The following FSTL5 variants were observed in gnomAD, a reference collection of about 807,000 sequenced individuals.
FSTL5 encodes the protein follistatin like 5.
FSTL5 carries 62 observed loss-of-function variants against 89.1 expected under a neutral mutation model. The ratio of observed to expected loss-of-function variants is 0.70; its 90% confidence interval spans 0.57 to 0.86. The LOEUF is 0.86. Among genes scored for constraint, FSTL5 ranks in the 40% least tolerant of loss-of-function variants. The pLI, the probability that FSTL5 is intolerant of heterozygous loss-of-function variation, is 0.00. For missense variants in FSTL5, 1,057 were observed against 1,001.6 expected (o/e 1.06, Z -0.75); for synonymous variants, 383 against 346.2 (o/e 1.11, Z -1.18).
intron 6 of FSTL5, among the ~76,000 whole-genome samples, chr4:161,689,763 C>G (rs1737866843): frequency 1.3e-5 from 2 of 152,068 alleles, no homozygotes; most frequent in South Asian, 4.1e-4. Context: ...TTCTGTATAA[C>G]TTTAGAAGAA....
chr4:161,775,400 G>C (rs533243663), intron 5 of FSTL5, among the ~76,000 whole-genome samples: 100 of 152,094 alleles, frequency 6.6e-4, no homozygotes, highest in Non-Finnish European at 1.3e-3. Context: ...TGCAGTAATT[G>C]GTCCTTAATT....
At chr4:161,991,309 C>T (rs1736104030) in intron 3 of FSTL5, among the ~76,000 whole-genome samples, 1 of 152,096 alleles carries the variant, frequency 6.6e-6, no homozygotes, top group African/African-American at 2.4e-5. Flanking sequence ...AACTGAGCTT[C>T]TAGAGACTTA....
At chr4:162,037,883 T>A (rs1263883889) in intron 2 of FSTL5, among the ~76,000 whole-genome samples, 1 of 151,968 alleles carries the variant, frequency 6.6e-6, no homozygotes, top group African/African-American at 2.4e-5. Context: ...TAATGTTACA[T>A]TATTCACAAT....
At chr4:161,912,590 C>A (rs1292385367) in intron 4 of FSTL5, among the ~76,000 whole-genome samples, 2 of 152,122 alleles carry the variant, frequency 1.3e-5, no homozygotes, top group African/African-American at 4.8e-5. Context: ...AACTGCAAGT[C>A]CAACTAAACC....
intron 4 of FSTL5, among the ~76,000 whole-genome samples, chr4:161,862,204 A>C (rs1287401959): frequency 6.6e-6 from 1 of 152,220 alleles, no homozygotes; most frequent in African/African-American, 2.4e-5. Context: ...ATAAGATGTA[A>C]TAAGCACCAA....
chr4:162,011,026 C>G (rs891451009), intron 3 of FSTL5, among the ~76,000 whole-genome samples: 1 of 152,068 alleles, frequency 6.6e-6, no homozygotes. Context: ...TTCTGTGTAT[C>G]AAAATAAAAT....
intron 8 of FSTL5, among the ~76,000 whole-genome samples, chr4:161,550,947 T>C (rs1446747219): frequency 5.9e-5 from 9 of 151,754 alleles, no homozygotes; most frequent in Admixed American, 6.6e-5. Context: ...TATTCCATGG[T>C]GTATATGTGC....
chr4:162,153,354 C>T (rs1733304687), intron 1 of FSTL5, among the ~76,000 whole-genome samples: 1 of 151,872 alleles, frequency 6.6e-6, no homozygotes. Context: ...AGGTAGCACT[C>T]TTATCCCTTA....
At chr4:161,759,239 G>C (rs1357324772) in intron 6 of FSTL5, among the ~76,000 whole-genome samples, 172 bp downstream of exon 6, 2 of 152,130 alleles carry the variant, frequency 1.3e-5, no homozygotes, top group East Asian at 3.9e-4. Context: ...CAGAACTACT[G>C]AATCCCTTAG....
intron 4 of FSTL5, among the ~76,000 whole-genome samples, chr4:161,841,347 T>C (rs1338543784): frequency 1.3e-5 from 2 of 152,176 alleles, no homozygotes; most frequent in Non-Finnish European, 2.9e-5. Context: ...ACAAAATATA[T>C]TGAAAATACA....
chr4:161,670,665 T>C (rs923158565), intron 6 of FSTL5, among the ~76,000 whole-genome samples: 1 of 152,196 alleles, frequency 6.6e-6, no homozygotes, highest in African/African-American at 2.4e-5. Flanking sequence ...AGAATTTGCC[T>C]TCACTACGAA....
At chr4:161,467,737 G>A (rs142872077) in intron 13 of FSTL5, among the ~76,000 whole-genome samples, 1 of 152,180 alleles carries the variant, frequency 6.6e-6, no homozygotes, top group East Asian at 1.9e-4. Context: ...ATAAGGGTGT[G>A]TTATTTCACC....
chr4:162,140,863 G>A (rs1561041357), intron 1 of FSTL5, among the ~76,000 whole-genome samples: 1 of 152,094 alleles, frequency 6.6e-6, no homozygotes, highest in Non-Finnish European at 1.5e-5. Flanking sequence ...AGGTTAATAT[G>A]ACCCCAAGAT....
At chr4:162,151,192 GA>G (rs1431639781) in intron 1 of FSTL5, among the ~76,000 whole-genome samples, 1 of 151,916 alleles carries the variant, frequency 6.6e-6, no homozygotes, top group African/African-American at 2.4e-5. Flanking sequence ...AAAGAAAAAA[GA>G]AAAAAATTTA....
intron 4 of FSTL5, among the ~76,000 whole-genome samples, chr4:161,839,600 A>G (rs1700950164): frequency 6.6e-6 from 1 of 152,054 alleles, no homozygotes; most frequent in African/African-American, 2.4e-5. Context: ...TAATTCTGAC[A>G]AAAACCATGT....
intron 2 of FSTL5, among the ~76,000 whole-genome samples, chr4:162,092,569 G>C (rs531637279): frequency 6.6e-6 from 1 of 152,160 alleles, no homozygotes; most frequent in South Asian, 2.1e-4. Flanking sequence ...AACTCATTTT[G>C]AGATCCTTTT....
intron 3 of FSTL5, among the ~76,000 whole-genome samples, chr4:161,947,393 A>G (rs1001874404): frequency 5.3e-5 from 8 of 152,118 alleles, no homozygotes; most frequent in Non-Finnish European, 8.8e-5. Context: ...TTTTAAGACT[A>G]TGATACATCT....
chr4:161,401,418 T>C (rs1191452638), intron 15 of FSTL5, among the ~76,000 whole-genome samples: 1 of 152,240 alleles, frequency 6.6e-6, no homozygotes, highest in African/African-American at 2.4e-5. Flanking sequence ...GTGATTATGC[T>C]AAATCCAAGA....
At chr4:161,961,404 G>C (rs2110980743) in intron 3 of FSTL5, among the ~76,000 whole-genome samples, 1 of 152,062 alleles carries the variant, frequency 6.6e-6, no homozygotes, top group Admixed American at 6.6e-5. Context: ...GGACCCCCAT[G>C]CCCGGTTTAT....
Sources: allele counts gnomAD v4.1 joint callset (sites outside exome capture counted in the v4.1 genomes callset), GRCh38; gene constraint gnomAD v4.1.1; transcripts MANE v1.5; gene names NCBI Gene and HGNC (gene_info 2026-07-23, HGNC 2026-07-21).